GRM8: variants seen among roughly 807,000 people sequenced by gnomAD.
GRM8 encodes glutamate metabotropic receptor 8.
Under a neutral mutation model 87.2 loss-of-function variants are expected in GRM8, and 47 were observed. The ratio of observed to expected loss-of-function variants is 0.54; its 90% CI spans 0.43 to 0.69. The LOEUF (loss-of-function observed/expected upper bound fraction) is 0.69, where lower values mean the gene tolerates loss of function less well. Among genes scored for constraint, GRM8 ranks in the 30% least tolerant of loss-of-function variants. The pLI is 0.00. For synonymous variants in GRM8, 396 were observed against 404.5 expected (o/e 0.98, Z 0.25); for missense variants, 1,019 against 1,139.2 (o/e 0.89, Z 1.52).
intron 9 of GRM8, chr7:126,512,738 TG>T (rs1293510178): frequency 6.6e-6 from 1 of 152,116 alleles, no homozygotes; most frequent in Admixed American, 6.6e-5. Context: ...TAAGGTTGAA[TG>T]GAAAGATTTG....
intron 6 of GRM8, among the ~76,000 whole-genome samples, chr7:126,799,856 T>C (rs1260696112): frequency 6.6e-6 from 1 of 152,104 alleles, no homozygotes; most frequent in African/African-American, 2.4e-5. Context: ...ACTTAGCTCA[T>C]TGAGACTTCT....
intron 3 of GRM8, among the ~76,000 whole-genome samples, chr7:126,958,062 G>A (rs1256871682): frequency 6.6e-6 from 1 of 152,108 alleles, no homozygotes; most frequent in African/African-American, 2.4e-5. Context: ...TTGGTGTCTC[G>A]GGTCTCAGGG....
intron 9 of GRM8, among the ~76,000 whole-genome samples, chr7:126,484,317 G>A (rs1250801029): frequency 2.6e-5 from 4 of 152,080 alleles, no homozygotes; most frequent in South Asian, 2.1e-4. Flanking sequence ...CACGTGGTAC[G>A]CAAATAGACC....
intron 6 of GRM8, among the ~76,000 whole-genome samples, chr7:126,809,173 C>T (rs1250355772): frequency 6.6e-6 from 1 of 152,148 alleles, no homozygotes; most frequent in East Asian, 1.9e-4. Flanking sequence ...TAACACAAGC[C>T]TTCTTCTTCT....
intron 8 of GRM8, among the ~76,000 whole-genome samples, chr7:126,585,764 C>G (rs905646147): frequency 6.6e-6 from 1 of 152,156 alleles, no homozygotes; most frequent in Non-Finnish European, 1.5e-5. Context: ...CCTTTGAAAA[C>G]TGGCACAAGA....
intron 7 of GRM8, among the ~76,000 whole-genome samples, chr7:126,681,992 T>C (rs1449440421): frequency 6.6e-6 from 1 of 152,174 alleles, no homozygotes; most frequent in Non-Finnish European, 1.5e-5. Context: ...ACCCAATATA[T>C]AGAAATAAAT....
intron 3 of GRM8, among the ~76,000 whole-genome samples, chr7:126,907,643 A>G (rs753851625): frequency 4.9e-4 from 75 of 152,144 alleles, no homozygotes; most frequent in Non-Finnish European, 8.7e-4. Context: ...TGAATAATTA[A>G]ATGCTTAACT....
chr7:126,502,192 T>C (rs1476106474), intron 9 of GRM8, among the ~76,000 whole-genome samples: 2 of 152,084 alleles, frequency 1.3e-5, no homozygotes, highest in Non-Finnish European at 2.9e-5. Context: ...ACTTGTAATT[T>C]AGTGATCACT....
At chr7:126,805,007 T>C (rs988707924) in intron 6 of GRM8, among the ~76,000 whole-genome samples, 1 of 152,210 alleles carries the variant, frequency 6.6e-6, no homozygotes, top group African/African-American at 2.4e-5. Context: ...CATGAACCTA[T>C]TCTGACACTT....
At chr7:126,744,385 T>G (rs1184854005) in intron 7 of GRM8, among the ~76,000 whole-genome samples, 1 of 152,030 alleles carries the variant, frequency 6.6e-6, no homozygotes, top group Admixed American at 6.6e-5. Flanking sequence ...AATTTGGGCC[T>G]TCGTATAAAA....
At chr7:127,163,483 TC>T (rs1313932200) in intron 2 of GRM8, among the ~76,000 whole-genome samples, 1 of 152,186 alleles carries the variant, frequency 6.6e-6, no homozygotes, top group African/African-American at 2.4e-5. Flanking sequence ...GGTAGGGGGT[TC>T]CCCCTGTAAC....
At chr7:127,112,461 AGC>A (rs1826430110) in intron 2 of GRM8, 1 of 152,176 alleles carries the variant, frequency 6.6e-6, no homozygotes, top group Non-Finnish European at 1.5e-5. Flanking sequence ...ATGTAACATG[AGC>A]TCCCATGAGA....
Position 126,617,519 on chromosome 7 carries a change from C to A in GRM8, c.1358-8021G>T, listed in dbSNP as rs575845867. Among the ~76,000 whole-genome samples, 40 of 152,266 alleles carry A rather than the reference C, an allele frequency of 2.6e-4. 1 individual carries two copies. The Middle Eastern group carries it at 0.01, about 39-fold the overall frequency. On this transcript the variant is annotated intron_variant, in intron 7 of 10. Transcript: ENST00000339582. ...CCTATGCAACATAGTGTTGGAAGTT[C>A]TGGCCAGGGCAATCAGGCAGGAGAA...
intron 6 of GRM8, among the ~76,000 whole-genome samples, chr7:126,838,082 A>G (rs1357051471): frequency 6.6e-6 from 1 of 152,240 alleles, no homozygotes; most frequent in African/African-American, 2.4e-5. Flanking sequence ...CATTGTAAAT[A>G]CTACCTGTGC....
Position 126,946,081 on chromosome 7 carries a change from G to A in GRM8, c.728-41398C>T, listed in dbSNP as rs996020642. On this transcript the variant is annotated intron_variant, in intron 3 of 10. Transcript: ENST00000339582. ...CTTCCTTCTGATTCTGGCTGGCCCT[G>A]TGAGTTGGTTTGGCCTACAGAATAC... is the stretch of plus-strand genomic sequence containing the variant. Among the ~76,000 whole-genome samples the A allele has an allele frequency of 2.0e-5, 3 of 152,334 alleles. No homozygotes were observed. In the South Asian group the frequency reaches 6.2e-4, roughly 32 times the overall value.
At chr7:126,548,893 A>C (rs1289845957) in intron 8 of GRM8, among the ~76,000 whole-genome samples, 3 of 152,220 alleles carry the variant, frequency 2.0e-5, no homozygotes, top group African/African-American at 4.8e-5. Context: ...AATCATAAGT[A>C]TAAATAAATT....
intron 2 of GRM8, among the ~76,000 whole-genome samples, chr7:127,140,742 C>T (rs1049223728): frequency 2.0e-5 from 3 of 152,090 alleles, no homozygotes; most frequent in Non-Finnish European, 2.9e-5. Context: ...AGGAGGAATA[C>T]GATCCTCATA....
At chr7:126,591,495 A>T (rs903484037) in intron 8 of GRM8, among the ~76,000 whole-genome samples, 2 of 152,070 alleles carry the variant, frequency 1.3e-5, no homozygotes, top group Non-Finnish European at 2.9e-5. Context: ...ACAAAGAAAC[A>T]ATGGATTTAA....
At chr7:126,539,619 C>A (rs1385616139) in intron 8 of GRM8, among the ~76,000 whole-genome samples, 1 of 151,856 alleles carries the variant, frequency 6.6e-6, no homozygotes, top group East Asian at 1.9e-4. Flanking sequence ...ACTAGAGAGT[C>A]CAGAAATAAA....
Sources: allele counts gnomAD v4.1 joint callset (sites outside exome capture counted in the v4.1 genomes callset), GRCh38; gene constraint gnomAD v4.1.1; transcripts MANE v1.5; gene names NCBI Gene and HGNC (gene_info 2026-07-23, HGNC 2026-07-21).